ARAP1: variants seen among roughly 807,000 people sequenced by gnomAD.
ARAP1 encodes the protein ArfGAP with RhoGAP domain, ankyrin repeat and PH domain 1.
A neutral mutation model predicts 172.2 loss-of-function variants in ARAP1; 76 were observed. The observed-to-expected ratio is 0.44, with a 90% confidence interval of 0.37 to 0.53. The LOEUF (loss-of-function observed/expected upper bound fraction) is 0.53, where lower values mean the gene tolerates loss of function less well. ARAP1 is among the 20% of genes least tolerant of loss of function. The probability of loss-of-function intolerance (pLI) is 0.00; values close to 1 mark genes in which losing one functional copy is unlikely to be tolerated. For synonymous variants in ARAP1, 804 were observed against 803.3 expected, an observed-to-expected ratio of 1.00 and a Z score of -0.01; for missense variants, 1,686 against 1,977.5, an observed-to-expected ratio of 0.85 and a Z score of 2.80.
At chr11:72,720,172 G>A (rs145301688) in intron 3 of ARAP1, among the ~76,000 whole-genome samples, 1 of 152,290 alleles carries the variant, frequency 6.6e-6, no homozygotes, top group East Asian at 1.9e-4. Context: ...CAGGGCTGCC[G>A]GCCCAGTGAT....
In ARAP1 at chr11:72,697,171, C is replaced by T. The variant is rs750602765; in HGVS notation, c.2978G>A (p.Arg993His). 20 of 1,601,886 alleles carry T rather than the reference C, an allele frequency of 1.2e-5. No homozygotes were observed. The highest frequency in any genetic ancestry group is 4.4e-5 in the South Asian group (4 of 91,038). The change falls in exon 22 of 35, where the codon CGC (arginine) becomes CAC (histidine). Residue 993 changes from arginine to histidine, a missense_variant. Transcript: ENST00000393609. Reference sequence around the variant, plus strand: ...TGTCTTCGATGTCTGCCCACACTTGCGGTAGATGCCCTCGGAGGTCAGGCC... The same window carrying T: ...TGTCTTCGATGTCTGCCCACACTTGTGGTAGATGCCCTCGGAGGTCAGGCC... Reference protein sequence around the residue: ...QCGLTSEGIYRKCGQTSKTQR... With the variant: ...QCGLTSEGIYHKCGQTSKTQR...
intron 1 of ARAP1, among the ~76,000 whole-genome samples, chr11:72,739,906 C>T (rs1386364408): frequency 6.6e-6 from 1 of 152,176 alleles, no homozygotes; most frequent in Non-Finnish European, 1.5e-5. Flanking sequence ...TGCAGAGCTC[C>T]AGACCAGACC....
Position 72,685,409 on chromosome 11 carries a change from G to A in ARAP1, c.*255C>T, listed in dbSNP as rs933661510. ...CAGCCCCACAAGGACAGTGAACCCGGTGGGGTGAGCAGGTTGGGCCAAGAG... is the reference window on the plus strand; with the variant it reads ...CAGCCCCACAAGGACAGTGAACCCGATGGGGTGAGCAGGTTGGGCCAAGAG... On this transcript the variant is annotated 3_prime_UTR_variant, in exon 35 of 35. Transcript: ENST00000393609. 3.3e-5 allele frequency: 19 copies of A among 569,504 alleles called. No homozygotes were observed. The highest frequency in any genetic ancestry group is 5.6e-5 in the Non-Finnish European group (18 of 319,152). The allele number at this position is 569,504 out of a possible 1,614,324, so 35.3% of individuals were successfully genotyped here.
In ARAP1 at chr11:72,726,666, C is replaced by T. The variant is rs753049271; in HGVS notation, c.463G>A (p.Val155Ile). ...CCGGTGCGGGGCGGCACGGGTGGAA[C>T]GCTCAGCTCTGCCAAATGCCGCTTA... ...PAKRHLAELS[V>I]PPVPPRTGPP... The change falls in exon 3 of 35, where the codon GTT becomes ATT. Residue 155 changes from valine (V) to isoleucine (I), a missense_variant. Coordinates refer to ENST00000393609, the MANE Select transcript of ARAP1 (RefSeq NM_001040118.3). This position sits in a 1 kb window ranked among gnomAD's most constrained non-coding sequence, Gnocchi z 6.5. The T allele has an allele frequency of 6.9e-5, 107 of 1,541,854 alleles. No homozygotes were observed. Among genetic ancestry groups the T allele is most frequent in the African/African-American group, 4.1e-4 (30 of 73,526 alleles).
chr11:72,697,994 G>A lies in ARAP1; in HGVS notation c.2654C>T (p.Ser885Phe). Reference protein sequence around the residue: ...SLQRAQEGWFSLSGSELRAVF... With the variant: ...SLQRAQEGWFFLSGSELRAVF... ...AGCACGGAGCTCCGAGCCACTGAGA[G>A]AGAACCAGCCCTCCTGGGCCCGCTG... Residue 885 changes from serine to phenylalanine, a missense_variant, in exon 19 of 35, where the codon TCT becomes TTT. Ser to Phe is a radical substitution (Grantham distance 155). Transcript: ENST00000393609. 2 of 1,612,428 alleles carry A rather than the reference G, an allele frequency of 1.2e-6. No individual in the cohort carries two copies. Among genetic ancestry groups the A allele is most frequent in the Non-Finnish European group, 1.7e-6 (2 of 1,179,396 alleles).
At chr11:72,739,925 C>T (rs72966113) in intron 1 of ARAP1, among the ~76,000 whole-genome samples, 21,995 of 152,136 alleles carry the variant, frequency 0.14, 2,113 homozygotes, top group African/African-American at 0.27. Context: ...CCTGACTTCA[C>T]GGCATTCTGG....
chr11:72,730,424 A>C (rs1273092599), intron 2 of ARAP1, among the ~76,000 whole-genome samples: 1 of 152,162 alleles, frequency 6.6e-6, no homozygotes, highest in East Asian at 1.9e-4. Flanking sequence ...TGAAAGCCCT[A>C]AGAGATGCAG....
chr11:72,740,604 GA>G lies in ARAP1; in HGVS notation c.-127-8008del, dbSNP rs1858165110. On this transcript the variant is annotated intron_variant, in intron 1 of 34. Transcript: ENST00000393609. ...GATTACTAACAGAACTATTATAAGAGAAACTGCTAATTTCCTAGGCCATCTG... is the reference window on the plus strand; with the variant it reads ...GATTACTAACAGAACTATTATAAGAGAACTGCTAATTTCCTAGGCCATCTG... Among the ~76,000 whole-genome samples the G allele has an allele frequency of 2.0e-5, 3 of 152,112 alleles. 1 individual carries two copies. Among genetic ancestry groups the G allele is most frequent in the East Asian group, 1.9e-4 (1 of 5,194 alleles).
Position 72,712,285 on chromosome 11 carries a change from C to A in ARAP1, c.933G>T (p.Ala311=). 1.3e-6 allele frequency: 2 copies of A among 1,594,500 alleles called. No homozygotes were observed. The highest frequency in any genetic ancestry group is 1.7e-6 in the Non-Finnish European group (2 of 1,169,522). ...LSLSLPSTIA[A]PHPMDGPPGG... is the part of the protein sequence containing the mutation. ...CAGGCGGCCCGTCCATGGGGTGTGG[C>A]GCAGCTATTGTGCTGGGCAAGGACA... is the stretch of plus-strand genomic sequence containing the variant. Residue 311 remains alanine, a synonymous_variant, in exon 7 of 35, where the codon GCG becomes GCT. Transcript: ENST00000393609.
Position 72,751,013 on chromosome 11 carries a change from G to C in ARAP1, c.-128+1315C>G, listed in dbSNP as rs77198110. ...TGTGTGAAGCATGGCTGGAGCCCAG[G>C]TGGTGGGGGTATAAAGCTGGGGTTG... On this transcript the variant is annotated intron_variant, in intron 1 of 34. Transcript: ENST00000393609. Among the ~76,000 whole-genome samples, 1,230 of 152,268 alleles carry C rather than the reference G, an allele frequency of 8.1e-3. 22 individuals carry two copies. The highest frequency in any genetic ancestry group is 0.07 in the East Asian group (363 of 5,182).
At chr11:72,720,721 A>T (rs1231882044) in intron 3 of ARAP1, among the ~76,000 whole-genome samples, 2 of 152,176 alleles carry the variant, frequency 1.3e-5, no homozygotes, top group Admixed American at 1.3e-4. Flanking sequence ...ACCACTTGCT[A>T]AGCGCTCACT....
chr11:72,699,684 A>G lies in ARAP1; in HGVS notation c.2303-132T>C, dbSNP rs572158546. Reference sequence around the variant, plus strand: ...ATTCTCTCAAGTTTTCCCTAAATCCATCCACCTCTCTGCATCCCCACCACG... The same window carrying G: ...ATTCTCTCAAGTTTTCCCTAAATCCGTCCACCTCTCTGCATCCCCACCACG... On this transcript the variant is annotated intron_variant, in intron 16 of 34. Transcript: ENST00000393609. The surrounding 1 kb of genome is among the most constrained non-coding windows in gnomAD (Gnocchi z 4.2). 4.1e-5 allele frequency: 52 copies of G among 1,269,872 alleles called. No individual in the cohort carries two copies. Among genetic ancestry groups the G allele is most frequent in the Middle Eastern group, 2.7e-4 (1 of 3,658 alleles). The allele number at this position is 1,269,872 out of a possible 1,614,324, so 78.7% of individuals were successfully genotyped here. A position where few individuals can be genotyped will look rare whatever the true frequency, so the allele number is the denominator to read the frequency against.
chr11:72,750,346 T>G (rs1395750457), intron 1 of ARAP1, among the ~76,000 whole-genome samples: 1 of 152,150 alleles, frequency 6.6e-6, no homozygotes, highest in African/African-American at 2.4e-5. Context: ...GCCACTTGTT[T>G]GGGCAGTGGC....
At position 72,705,689 on chromosome 11, in the gene ARAP1, G is replaced by T. The variant is rs1014011422; in HGVS notation, c.1809+116C>A. 1.6e-4 allele frequency: 175 copies of T among 1,128,842 alleles called. 1 individual carries two copies. In the African/African-American group the frequency reaches 2.6e-3, roughly 17 times the overall value. The allele number at this position is 1,128,842 out of a possible 1,614,324, so 69.9% of individuals were successfully genotyped here. ...CCCACCCACTAGATTATCACAAAGG[G>T]TCTCTTCCAGCTCCAAGGTGCTGTG... On this transcript the variant is annotated intron_variant, in intron 13 of 34. Transcript: ENST00000393609.
At chr11:72,690,857 G>A (rs1445776894) in intron 30 of ARAP1, among the ~76,000 whole-genome samples, 1 of 152,226 alleles carries the variant, frequency 6.6e-6, no homozygotes, top group Non-Finnish European at 1.5e-5. Context: ...CCCAGGATAA[G>A]GCACAAGTGG....
At chr11:72,689,168 G>A (rs1855819128) in intron 30 of ARAP1, among the ~76,000 whole-genome samples, 1 of 152,220 alleles carries the variant, frequency 6.6e-6, no homozygotes, top group South Asian at 2.1e-4. Context: ...TCTAGGTCAG[G>A]AAGCGAGAGA....
intron 2 of ARAP1, among the ~76,000 whole-genome samples, chr11:72,729,313 T>G (rs1857788587): frequency 6.6e-6 from 1 of 152,126 alleles, no homozygotes; most frequent in Non-Finnish European, 1.5e-5. Context: ...AAACCATGGC[T>G]GGGCAAGGTG....
At chr11:72,713,141 C>A (rs1416039558) in intron 5 of ARAP1, 35 bp downstream of exon 5, 1 of 1,610,578 alleles carries the variant, frequency 6.2e-7, no homozygotes, top group Non-Finnish European at 8.5e-7. Context: ...CCCCACAACA[C>A]CCTGACAGGC....
At chr11:72,729,541 G>A (rs1312924799) in intron 2 of ARAP1, among the ~76,000 whole-genome samples, 1 of 151,930 alleles carries the variant, frequency 6.6e-6, no homozygotes, top group Admixed American at 6.6e-5. Flanking sequence ...AGTGAGCCGA[G>A]ATCACTGCAC....
Sources: gnomAD v4.1 joint callset for allele counts (sites outside exome capture counted in the v4.1 genomes callset) on GRCh38, gnomAD v4.1.1 for gene constraint, Gnocchi (gnomAD v3.1) non-coding constraint, MANE v1.5 for transcripts, NCBI Gene and HGNC (gene_info 2026-07-23, HGNC 2026-07-21) for gene names.